NLRP10: variants seen among roughly 807,000 people sequenced by gnomAD.
NLRP10 encodes the protein NLR family pyrin domain containing 10, also known as NACHT, LRR and PYD domains-containing protein 10.
Under a neutral mutation model 8.2 loss-of-function variants are expected in NLRP10, and 7 were observed. That is an observed-to-expected ratio of 0.85 (90% CI 0.48 to 1.60). The LOEUF is 1.60. NLRP10 is among the 40% of genes most tolerant of loss of function. NLRP10 has a pLI of 0.00. For synonymous variants in NLRP10, 338 were observed against 314.0 expected, an observed-to-expected ratio of 1.08 and a Z score of -0.81; for missense variants, 814 against 776.3, an observed-to-expected ratio of 1.05 and a Z score of -0.58.
intron 1 of NLRP10, among the ~76,000 whole-genome samples, chr11:7,963,892 G>A (rs12289513): frequency 0.12 from 18,452 of 150,578 alleles, 1,255 homozygotes; most frequent in East Asian, 0.21. Flanking sequence ...CTCCTTAGAC[G>A]GATGGATTAA....
chr11:7,963,601 C>T, intron 1 of NLRP10, 61 bp from the exon 2 acceptor site: 1 of 1,019,458 alleles, frequency 9.8e-7, no homozygotes, highest in Non-Finnish European at 1.4e-6. Context: ...TTTCTGGGGG[C>T]TTGGCCAAGT....
rs763416527 is a variant in NLRP10, at chr11:7,963,192, C to G, written c.289+15G>C. The G allele has an allele frequency of 1.2e-6, 2 of 1,610,028 alleles. No individual in the cohort carries two copies. Among genetic ancestry groups the G allele is most frequent in the Non-Finnish European group, 1.7e-6 (2 of 1,177,308 alleles). The stretch of plus-strand genomic sequence containing the variant: ...AGTGCCATCCTGCCCTCCCCTTCCC[C>G]CGCTCCACACTCACCATGCAGACAA... On this transcript the variant is annotated intron_variant, in intron 2 of 2. Transcript: ENST00000691676.
rs778031870 is a variant in NLRP10 at position 7,959,986 on chromosome 11, C to T, written c.1626G>A (p.Ala542=). Residue 542 remains alanine (A), a synonymous_variant, in exon 3 of 3, where the codon GCG becomes GCA. Transcript: ENST00000691676. ...GTTCTTTAAAATGCTTCAGATCCTG[C>T]GCTAAACAGGGAGAAATTCTGAAGC... is the stretch of plus-strand genomic sequence containing the variant. ...KFCFRISPCL[A]QDLKHFKEQM... is the part of the protein sequence containing the mutation. The T allele has an allele frequency of 6.8e-6, 11 of 1,614,034 alleles. No homozygotes were observed. Among genetic ancestry groups the T allele is most frequent in the Admixed American group, 6.7e-5 (4 of 60,014 alleles).
In NLRP10 at chr11:7,960,794, A is replaced by G. The variant is rs770493117; in HGVS notation, c.818T>C (p.Leu273Pro). Reference sequence around the variant, plus strand: ...ATGTCTCCTAATTAGAAGGTGCAGCAGGCTCTCCTTGGGACTCAAACCCCT... The same window carrying G: ...ATGTCTCCTAATTAGAAGGTGCAGCGGGCTCTCCTTGGGACTCAAACCCCT... ...KKRGLSPKESLLHLLIRRHTL... is the reference protein window; with the variant it reads ...KKRGLSPKESPLHLLIRRHTL... The change falls in exon 3 of 3, where the codon CTG becomes CCG. Residue 273 changes from leucine (L) to proline (P), a missense_variant. Leu to Pro is a moderately conservative substitution (Grantham distance 98, BLOSUM62 -3). Coordinates refer to ENST00000691676, the MANE Select transcript of NLRP10 (RefSeq NM_001391958.1). 9 of 1,614,002 alleles carry G rather than the reference A, an allele frequency of 5.6e-6. No individual in the cohort carries two copies. The highest frequency in any genetic ancestry group is 6.8e-6 in the Non-Finnish European group (8 of 1,180,030).
rs1021889771 is a variant in NLRP10 at position 7,959,751 on chromosome 11, C to T, written c.1861G>A (p.Val621Ile). 7.4e-6 allele frequency: 12 copies of T among 1,613,530 alleles called. No individual in the cohort carries two copies. Among genetic ancestry groups the T allele is most frequent in the South Asian group, 3.3e-5 (3 of 91,062 alleles). ...GPKEEQKCPS[V>I]HGQKEGKDNI... ...TCTTTGCCCTCCTTCTGTCCATGGACAGAAGGACATTTTTGCTCCTCCTTA... is the reference window on the plus strand; with the variant it reads ...TCTTTGCCCTCCTTCTGTCCATGGATAGAAGGACATTTTTGCTCCTCCTTA... The change falls in exon 3 of 3, where the codon GTC (valine) becomes ATC (isoleucine). Residue 621 changes from valine (V) to isoleucine (I), a missense_variant. Coordinates refer to ENST00000691676, the MANE Select transcript of NLRP10 (RefSeq NM_001391958.1).
rs1382443858 is a variant in NLRP10, at chr11:7,960,563, G to A, written c.1049C>T (p.Ala350Val). The part of the protein sequence containing the change: ...IVQKNDILYK[A>V]CQVPGICWVV... ...CCAGCAAATGCCTGGAACCTGACACGCTTTGTAGAGAATGTCATTTTTCTG... is the reference window on the plus strand; with the variant it reads ...CCAGCAAATGCCTGGAACCTGACACACTTTGTAGAGAATGTCATTTTTCTG... Residue 350 changes from alanine to valine, a missense_variant, in exon 3 of 3, where the codon GCG becomes GTG. Transcript: ENST00000691676. The A allele has an allele frequency of 1.9e-6, 3 of 1,614,034 alleles. No individual in the cohort carries two copies. Among genetic ancestry groups the A allele is most frequent in the East Asian group, 2.2e-5 (1 of 44,892 alleles).
rs543301243 is a variant in NLRP10 at position 7,959,667 on chromosome 11, T to G, written c.1945A>C (p.Thr649Pro). ...STGKGRGTEETPKNTYI is the reference protein window; with the variant it reads ...STGKGRGTEEPPKNTYI ...GTTTATATGTAAGTATTTTTTGGTG[T>G]TTCCTCTGTCCCTCTGCCTTTTCCA... Residue 649 changes from threonine to proline, a missense_variant, in exon 3 of 3, where the codon ACA becomes CCA. Coordinates refer to ENST00000691676, the MANE Select transcript of NLRP10 (RefSeq NM_001391958.1). 6.4e-7 allele frequency: 1 copy of G among 1,570,338 alleles called. No homozygotes were observed. Among genetic ancestry groups the G allele is most frequent in the South Asian group, 1.2e-5 (1 of 84,376 alleles).
At chr11:7,963,637 G>A (rs977727672) in intron 1 of NLRP10, 97 bp from the exon 2 acceptor site, 6 of 649,324 alleles carry the variant, frequency 9.2e-6, no homozygotes, top group South Asian at 2.1e-5. Context: ...AGGGAGAGAC[G>A]AGATACATGT....
Position 7,959,891 on chromosome 11 carries a change from T to G in NLRP10, c.1721A>C (p.Asn574Thr). 1 of 1,613,824 alleles carries G rather than the reference T, an allele frequency of 6.2e-7. No homozygotes were observed. Among genetic ancestry groups the G allele is most frequent in the Non-Finnish European group, 8.5e-7 (1 of 1,179,682 alleles). Residue 574 changes from asparagine to threonine, a missense_variant, in exon 3 of 3, where the codon AAT becomes ACT. Asn to Thr is a moderately conservative substitution (Grantham distance 65). Coordinates refer to ENST00000691676, the MANE Select transcript of NLRP10 (RefSeq NM_001391958.1). ...EFSLYEAKIKNLVKGIQMNNV... is the reference protein window; with the variant it reads ...EFSLYEAKIKTLVKGIQMNNV... ...GTTCATCTGAATACCTTTTACCAGATTCTTTATTTTAGCTTCATACAGGGA... is the reference window on the plus strand; with the variant it reads ...GTTCATCTGAATACCTTTTACCAGAGTCTTTATTTTAGCTTCATACAGGGA...
intron 2 of NLRP10, 131 bp from the exon 3 acceptor site, chr11:7,961,453 T>C: frequency 1.5e-6 from 1 of 657,506 alleles, no homozygotes; most frequent in Non-Finnish European, 2.6e-6. Flanking sequence ...ATTATAGTTC[T>C]GGCTTCATGG....
rs1182160165 is a variant in NLRP10, at chr11:7,963,257, A to G, written c.239T>C (p.Val80Ala). 1 of 1,614,072 alleles carries G rather than the reference A, an allele frequency of 6.2e-7. No individual in the cohort carries two copies. The highest frequency in any genetic ancestry group is 1.3e-5 in the African/African-American group (1 of 74,930). The part of the protein sequence containing the change: ...AVKVVLKGLK[V>A]MNLLELVDQL... ...GTCCACAAGTTCCAACAGGTTCATG[A>G]CCTTCAAGCCCTTGAGGACAACTTT... Residue 80 changes from valine (V) to alanine (A), a missense_variant, in exon 2 of 3, where the codon GTC becomes GCC. Transcript: ENST00000691676.
rs768045821 is a variant in NLRP10, at chr11:7,961,066, G to T, written c.546C>A (p.Leu182=). Residue 182 remains leucine, a synonymous_variant, in exon 3 of 3, where the codon CTC becomes CTA. Coordinates refer to ENST00000691676, the MANE Select transcript of NLRP10 (RefSeq NM_001391958.1). ...CCCAGTCCAACACCATTTTTCTGGCGAGAGTTGTCTTTCCAGTGCCAGCCG... is the reference window on the plus strand; with the variant it reads ...CCCAGTCCAACACCATTTTTCTGGCTAGAGTTGTCTTTCCAGTGCCAGCCG... ...QGSAGTGKTT[L]ARKMVLDWAT... 1 of 1,614,034 alleles carries T rather than the reference G, an allele frequency of 6.2e-7. No individual in the cohort carries two copies. Among genetic ancestry groups the T allele is most frequent in the East Asian group, 2.2e-5 (1 of 44,888 alleles).
rs137920368 is a variant in NLRP10 at position 7,959,718 on chromosome 11, C to T, written c.1894G>A (p.Ala632Thr). Residue 632 changes from alanine to threonine, a missense_variant, in exon 3 of 3, where the codon GCA (alanine) becomes ACA (threonine). Physicochemically the swap from Ala to Thr is moderately conservative, Grantham distance 58. Coordinates refer to ENST00000691676, the MANE Select transcript of NLRP10 (RefSeq NM_001391958.1). The stretch of plus-strand genomic sequence containing the variant: ...GTAGAAGCTTCCTTTTGTGTTCCTG[C>T]TATATTATCTTTGCCCTCCTTCTGT... ...HGQKEGKDNIAGTQKEASTGK... is the reference protein window; with the variant it reads ...HGQKEGKDNITGTQKEASTGK... 6.2e-7 allele frequency: 1 copy of T among 1,609,298 alleles called. No homozygotes were observed. The highest frequency in any genetic ancestry group is 1.1e-5 in the South Asian group (1 of 89,814).
Position 7,960,886 on chromosome 11 carries a change from C to T in NLRP10, c.726G>A (p.Glu242=), listed in dbSNP as rs1437851095. Residue 242 remains glutamate (E), a synonymous_variant, in exon 3 of 3, where the codon GAG becomes GAA. Transcript: ENST00000691676. ...APVTEILRQP[E]RLLFILDGFD... is the part of the protein sequence containing the mutation. ...AGCCATCCAGGATGAACAGGAGCCG[C>T]TCTGGCTGCCTCAGAATCTCTGTGA... is the stretch of plus-strand genomic sequence containing the variant. The T allele has an allele frequency of 2.5e-6, 4 of 1,614,200 alleles. No individual in the cohort carries two copies. Among genetic ancestry groups the T allele is most frequent in the Non-Finnish European group, 3.4e-6 (4 of 1,180,042 alleles).
Position 7,963,323 on chromosome 11 carries a change from G to T in NLRP10, c.173C>A (p.Ala58Glu), listed in dbSNP as rs762807124. ...TCCATACTTTGAAATCAGTAATTCTGCCAGGTCCACCGGAATCAGGCCCTC... is the reference window on the plus strand; with the variant it reads ...TCCATACTTTGAAATCAGTAATTCTTCCAGGTCCACCGGAATCAGGCCCTC... ...ELEGLIPVDL[A>E]ELLISKYGEK... Residue 58 changes from alanine (A) to glutamate (E), a missense_variant, in exon 2 of 3, where the codon GCA becomes GAA. Transcript: ENST00000691676. 1.9e-6 allele frequency: 3 copies of T among 1,614,182 alleles called. No individual in the cohort carries two copies. Among genetic ancestry groups the T allele is most frequent in the South Asian group, 2.2e-5 (2 of 91,090 alleles).
At chr11:7,964,842 A>G (rs866787128) in intron 1 of NLRP10, among the ~76,000 whole-genome samples, 2 of 152,236 alleles carry the variant, frequency 1.3e-5, no homozygotes, top group South Asian at 2.1e-4. Context: ...AGCAACAATT[A>G]ATAGAAAGCC....
chr11:7,961,068 G>C lies in NLRP10; in HGVS notation c.544C>G (p.Leu182Val). 6.2e-7 allele frequency: 1 copy of C among 1,614,178 alleles called. No homozygotes were observed. The highest frequency in any genetic ancestry group is 8.5e-7 in the Non-Finnish European group (1 of 1,180,020). ...CAGTCCAACACCATTTTTCTGGCGAGAGTTGTCTTTCCAGTGCCAGCCGAC... is the reference window on the plus strand; with the variant it reads ...CAGTCCAACACCATTTTTCTGGCGACAGTTGTCTTTCCAGTGCCAGCCGAC... Reference protein sequence around the residue: ...QGSAGTGKTTLARKMVLDWAT... With the variant: ...QGSAGTGKTTVARKMVLDWAT... Residue 182 changes from leucine to valine, a missense_variant, in exon 3 of 3, where the codon CTC (leucine) becomes GTC (valine). Coordinates refer to ENST00000691676, the MANE Select transcript of NLRP10 (RefSeq NM_001391958.1).
At position 7,958,635 on chromosome 11, in the gene NLRP10, C is replaced by T. The variant is rs549532388; in HGVS notation, c.*1009G>A. ...TGCGATCTCAGCTCACTGCAACCTC[C>T]GCCTCCCAGATTCAAGCAATTCTCC... On this transcript the variant is annotated 3_prime_UTR_variant, in exon 3 of 3. Transcript: ENST00000691676. Among the ~76,000 whole-genome samples, 9 of 152,164 alleles carry T rather than the reference C, an allele frequency of 5.9e-5. No individual in the cohort carries two copies. The highest frequency in any genetic ancestry group is 5.8e-4 in the East Asian group (3 of 5,176).
rs1298395557 is a variant in NLRP10 at position 7,961,032 on chromosome 11, T to A, written c.580A>T (p.Thr194Ser). 5.6e-6 allele frequency: 9 copies of A among 1,613,974 alleles called. No individual in the cohort carries two copies. In the Admixed American group the frequency reaches 1.5e-4, roughly 27 times the overall value. Residue 194 changes from threonine (T) to serine (S), a missense_variant, in exon 3 of 3, where the codon ACT becomes TCT. Transcript: ENST00000691676. ...TAATCAAACCGGCCTGGGTACAGAG[T>A]ACCGGTGGCCCAGTCCAACACCATT... The part of the protein sequence containing the change: ...RKMVLDWATG[T>S]LYPGRFDYVF...
Sources: allele counts gnomAD v4.1 joint callset (sites outside exome capture counted in the v4.1 genomes callset), GRCh38; gene constraint gnomAD v4.1.1; transcripts MANE v1.5; gene names NCBI Gene and HGNC (gene_info 2026-07-23, HGNC 2026-07-21).